Variants in OSBPL1A observed in about 807,000 individuals in gnomAD.
OSBPL1A encodes the protein oxysterol binding protein like 1A, also known as oxysterol-binding protein-related protein 1.
Under a neutral mutation model 137.1 loss-of-function variants are expected in OSBPL1A, and 80 were observed. The observed-to-expected ratio is 0.58, with a 90% confidence interval of 0.49 to 0.70. OSBPL1A has a LOEUF of 0.70. Ranked by LOEUF, OSBPL1A falls within the 30% of genes least tolerant of loss-of-function variation. The probability of loss-of-function intolerance (pLI) is 0.00; values close to 1 mark genes in which losing one functional copy is unlikely to be tolerated. For synonymous variants in OSBPL1A, 365 were observed against 389.7 expected (o/e 0.94, Z 0.75); for missense variants, 970 against 1,129.4 (o/e 0.86, Z 2.02).
At chr18:24,258,058 G>T (rs2089334720) in intron 15 of OSBPL1A, among the ~76,000 whole-genome samples, 1 of 152,132 alleles carries the variant, frequency 6.6e-6, no homozygotes, top group Non-Finnish European at 1.5e-5. Context: ...ACAGTTTGGA[G>T]GTTTCTCAAA....
intron 1 of OSBPL1A, among the ~76,000 whole-genome samples, chr18:24,386,845 TACTC>T (rs1424891871): frequency 3.3e-5 from 5 of 151,984 alleles, no homozygotes; most frequent in Admixed American, 1.3e-4. Flanking sequence ...TGTAGTCAGT[TACTC>T]AGGAAGCCGA....
chr18:24,227,137 C>A (rs1392254018), intron 16 of OSBPL1A, among the ~76,000 whole-genome samples: 2 of 152,102 alleles, frequency 1.3e-5, no homozygotes, highest in Admixed American at 6.5e-5. Context: ...AGGTGATCTG[C>A]CCACCTCAGC....
At chr18:24,395,832 G>A (rs1907698504) in intron 1 of OSBPL1A, among the ~76,000 whole-genome samples, 1 of 150,904 alleles carries the variant, frequency 6.6e-6, no homozygotes, top group African/African-American at 2.4e-5. Flanking sequence ...ATTTTGGCCA[G>A]GCTGCTCTCG....
At chr18:24,318,449 T>TA (rs535778470) in intron 9 of OSBPL1A, 152 bp downstream of exon 9, 11,437 of 553,496 alleles carry the variant, frequency 0.021, 5 homozygotes, top group Middle Eastern at 0.032. Flanking sequence ...TAACTAAAAA[T>TA]AAAAAAAAAA....
chr18:24,312,106 C>A lies in OSBPL1A; in HGVS notation c.970G>T (p.Asp324Tyr). 1.2e-6 allele frequency: 2 copies of A among 1,612,758 alleles called. No homozygotes were observed. The highest frequency in any genetic ancestry group is 1.7e-6 in the Non-Finnish European group (2 of 1,179,600). The part of the protein sequence containing the change: ...PKNSLQQSRE[D>Y]WLEAIEEHSA... ...TGTTCTTCTATTGCTTCCAGCCAGT[C>A]CTGAAATCATGCAAGAATTTAAATG... The change falls in exon 13 of 28, where the codon GAC becomes TAC. Residue 324 changes from aspartate to tyrosine, a missense_variant and splice_region_variant. Asp to Tyr is a radical substitution (Grantham distance 160). Coordinates refer to ENST00000319481, the MANE Select transcript of OSBPL1A (RefSeq NM_080597.4).
chr18:24,310,080 T>A (rs996672205), intron 13 of OSBPL1A, among the ~76,000 whole-genome samples: 14 of 150,714 alleles, frequency 9.3e-5, no homozygotes, highest in Non-Finnish European at 2.1e-4. Context: ...AAAAAAGATT[T>A]ACAGAATTAG....
chr18:24,365,235 C>T (rs1293748103), intron 4 of OSBPL1A, among the ~76,000 whole-genome samples: 3 of 152,064 alleles, frequency 2.0e-5, no homozygotes, highest in Non-Finnish European at 2.9e-5. Context: ...TGAACCTCAA[C>T]GACATTATGC....
At position 24,369,725 on chromosome 18, in the gene OSBPL1A, C is replaced by T. The variant is rs115908028; in HGVS notation, c.122-1353G>A. ...CCAAACTCCTACATCTGTTTCCTCT[C>T]AAGTGTGTGTCCTGTGGAACCCCTA... is the stretch of plus-strand genomic sequence containing the variant. On this transcript the variant is annotated intron_variant, in intron 2 of 27. Transcript: ENST00000319481. Among the ~76,000 whole-genome samples, 742 of 152,300 alleles carry T rather than the reference C, an allele frequency of 4.9e-3. 4 individuals are homozygous for T. Among genetic ancestry groups the T allele is most frequent in the African/African-American group, 0.017 (725 of 41,574 alleles).
chr18:24,271,399 G>T lies in OSBPL1A; in HGVS notation c.1281+9443C>A. 4.1e-6 allele frequency: 1 copy of T among 245,930 alleles called. No individual in the cohort carries two copies. The highest frequency in any genetic ancestry group is 6.5e-6 in the Non-Finnish European group (1 of 153,810). The allele number at this position is 245,930 out of a possible 1,614,324, so 15.2% of individuals were successfully genotyped here. On this transcript the variant is annotated intron_variant, in intron 15 of 27. Coordinates refer to ENST00000319481, the MANE Select transcript of OSBPL1A (RefSeq NM_080597.4). This position sits in a 1 kb window ranked among gnomAD's most constrained non-coding sequence, Gnocchi z 4.0. Reference sequence around the variant, plus strand: ...GGGCTCTTCCTGCAGGAACCCCACGGCAGGGAGACCCGCACTGGGAAGAGA... The same window carrying T: ...GGGCTCTTCCTGCAGGAACCCCACGTCAGGGAGACCCGCACTGGGAAGAGA...
At chr18:24,384,224 A>G (rs894852313) in intron 1 of OSBPL1A, among the ~76,000 whole-genome samples, 4 of 152,208 alleles carry the variant, frequency 2.6e-5, no homozygotes, top group Non-Finnish European at 5.9e-5. Flanking sequence ...ATGTGACTCT[A>G]TTTGGTTGTG....
chr18:24,390,943 C>T (rs1197476316), intron 1 of OSBPL1A, among the ~76,000 whole-genome samples: 1 of 151,478 alleles, frequency 6.6e-6, no homozygotes, highest in African/African-American at 2.4e-5. Context: ...CTACTAAAAA[C>T]ACAAAAATTA....
intron 4 of OSBPL1A, among the ~76,000 whole-genome samples, chr18:24,347,428 G>A (rs890734869): frequency 1.3e-5 from 2 of 152,042 alleles, no homozygotes; most frequent in Non-Finnish European, 2.9e-5. Flanking sequence ...CAGGCGATCC[G>A]CCCGTCTTGG....
chr18:24,327,719 A>T (rs1441217668), intron 7 of OSBPL1A, among the ~76,000 whole-genome samples: 2 of 152,026 alleles, frequency 1.3e-5, no homozygotes, highest in Admixed American at 6.6e-5. Flanking sequence ...TGATTTTTTT[A>T]AATTATTCTC....
chr18:24,319,205 G>C (rs534436910), intron 7 of OSBPL1A, among the ~76,000 whole-genome samples: 1 of 152,148 alleles, frequency 6.6e-6, no homozygotes, highest in South Asian at 2.1e-4. Flanking sequence ...CACTTCTAGC[G>C]GCCAACTACC....
At chr18:24,221,718 G>C (rs185806683) in intron 17 of OSBPL1A, among the ~76,000 whole-genome samples, 42 of 152,102 alleles carry the variant, frequency 2.8e-4, no homozygotes, top group Non-Finnish European at 4.3e-4. Flanking sequence ...TCACTAATCT[G>C]CTATGCTAGC....
At chr18:24,223,297 T>C (rs553204209) in intron 17 of OSBPL1A, among the ~76,000 whole-genome samples, 63 of 152,280 alleles carry the variant, frequency 4.1e-4, no homozygotes, top group African/African-American at 1.5e-3. Context: ...TCTATCTATT[T>C]GATTAGAGAA....
chr18:24,380,828 T>C (rs941758374), intron 1 of OSBPL1A, among the ~76,000 whole-genome samples: 6 of 151,986 alleles, frequency 3.9e-5, no homozygotes, highest in Non-Finnish European at 8.8e-5. Context: ...GGCACATGCC[T>C]GTAATCCCAG....
At chr18:24,268,832 C>A (rs75437866) in intron 15 of OSBPL1A, among the ~76,000 whole-genome samples, 2,615 of 152,320 alleles carry the variant, frequency 0.017, 80 homozygotes, top group African/African-American at 0.06. Flanking sequence ...ACCATGTTGA[C>A]GTAGGTGACT....
At chr18:24,291,828 G>C (rs2090179334) in intron 14 of OSBPL1A, among the ~76,000 whole-genome samples, 1 of 150,996 alleles carries the variant, frequency 6.6e-6, no homozygotes, top group African/African-American at 2.4e-5. Flanking sequence ...TGAGGCAGGT[G>C]GATCACCTGA....
Sources: allele counts gnomAD v4.1 joint callset (sites outside exome capture counted in the v4.1 genomes callset), GRCh38; gene constraint gnomAD v4.1.1; non-coding constraint Gnocchi (gnomAD v3.1); transcripts MANE v1.5; gene names NCBI Gene and HGNC (gene_info 2026-07-23, HGNC 2026-07-21).